The following PDS5B variants were observed in gnomAD, a reference collection of about 807,000 sequenced individuals.
The protein encoded by PDS5B is sister chromatid cohesion protein PDS5 homolog B.
Under a neutral mutation model 184.1 loss-of-function variants are expected in PDS5B, and 51 were observed. The observed-to-expected ratio is 0.28, with a 90% confidence interval of 0.22 to 0.35. The LOEUF (loss-of-function observed/expected upper bound fraction) is 0.35, where lower values mean the gene tolerates loss of function less well. Among genes scored for constraint, PDS5B ranks in the 10% least tolerant of loss-of-function variants. The pLI, the probability that PDS5B is intolerant of heterozygous loss-of-function variation, is 1.00. For synonymous variants in PDS5B, 566 were observed against 569.2 expected (o/e 0.99, Z 0.08); for missense variants, 1,180 against 1,723.3 (o/e 0.68, Z 5.58).
intron 10 of PDS5B, among the ~76,000 whole-genome samples, chr13:32,683,315 ATTTTTTTTTTTT>A (rs529817272): frequency 2.5e-5 from 3 of 119,906 alleles, no homozygotes; most frequent in African/African-American, 6.3e-5. Flanking sequence ...GGCCTTTAAA[ATTTTTTTTTTTT>A]TTTTTTTTTT....
At chr13:32,656,965 T>A (rs1260333761) in intron 3 of PDS5B, among the ~76,000 whole-genome samples, 1 of 152,236 alleles carries the variant, frequency 6.6e-6, no homozygotes, top group Non-Finnish European at 1.5e-5. Flanking sequence ...AATCACATTT[T>A]AAAAATTTGC....
chr13:32,674,064 C>T (rs941168999), intron 8 of PDS5B, among the ~76,000 whole-genome samples: 1 of 152,128 alleles, frequency 6.6e-6, no homozygotes, highest in Non-Finnish European at 1.5e-5. Flanking sequence ...ATCCACCTGC[C>T]TCGGCCTCCC....
chr13:32,639,262 A>G (rs1307589087), intron 1 of PDS5B, among the ~76,000 whole-genome samples: 1 of 152,174 alleles, frequency 6.6e-6, no homozygotes, highest in Non-Finnish European at 1.5e-5. Context: ...CTTCCATAAC[A>G]TTGATGGTCC....
chr13:32,628,463 G>A (rs2058402903), intron 1 of PDS5B, among the ~76,000 whole-genome samples: 1 of 151,552 alleles, frequency 6.6e-6, no homozygotes, highest in Non-Finnish European at 1.5e-5. Flanking sequence ...AAGGAGAATT[G>A]CTTGAACCTG....
At chr13:32,631,206 C>T (rs1187910797) in intron 1 of PDS5B, among the ~76,000 whole-genome samples, 1 of 149,010 alleles carries the variant, frequency 6.7e-6, no homozygotes, top group African/African-American at 2.5e-5. Flanking sequence ...GCCTCGACAT[C>T]CCTAGGCTTA....
intron 1 of PDS5B, among the ~76,000 whole-genome samples, chr13:32,593,121 A>G (rs1042320387): frequency 6.6e-6 from 1 of 152,174 alleles, no homozygotes; most frequent in African/African-American, 2.4e-5. Flanking sequence ...TAGAGCCATT[A>G]CGGAGAATAT....
At chr13:32,768,094 TAGTC>T (rs1263086795) in intron 31 of PDS5B, among the ~76,000 whole-genome samples, 10 of 152,366 alleles carry the variant, frequency 6.6e-5, no homozygotes, top group East Asian at 1.9e-4. Context: ...AATAATGTCT[TAGTC>T]AGCTCAAGCT....
At chr13:32,641,663 G>T (rs1052541316) in intron 1 of PDS5B, among the ~76,000 whole-genome samples, 1 of 151,604 alleles carries the variant, frequency 6.6e-6, no homozygotes, top group Admixed American at 6.6e-5. Context: ...CTCCCCTGTG[G>T]GCTCCCACCA....
intron 19 of PDS5B, among the ~76,000 whole-genome samples, chr13:32,729,962 G>A (rs1408732780): frequency 6.6e-6 from 1 of 152,112 alleles, no homozygotes; most frequent in African/African-American, 2.4e-5. Context: ...GATCCCATTT[G>A]TCAATTTTGG....
At chr13:32,732,610 T>G (rs545758617) in intron 20 of PDS5B, among the ~76,000 whole-genome samples, 1 of 152,274 alleles carries the variant, frequency 6.6e-6, no homozygotes, top group East Asian at 1.9e-4. Flanking sequence ...TAAGGTTTTG[T>G]AAATCAGTAC....
chr13:32,698,979 T>A (rs998623723), intron 15 of PDS5B, among the ~76,000 whole-genome samples: 2 of 152,150 alleles, frequency 1.3e-5, no homozygotes, highest in African/African-American at 4.8e-5. Context: ...GGTCTTGAAC[T>A]CCTGACCTCG....
At chr13:32,601,074 A>C (rs1437381793) in intron 1 of PDS5B, among the ~76,000 whole-genome samples, 2 of 152,194 alleles carry the variant, frequency 1.3e-5, no homozygotes, top group African/African-American at 4.8e-5. Flanking sequence ...TGCTGCTGCA[A>C]ACTGGGAGTG....
In PDS5B at chr13:32,699,628, C is replaced by T. The variant is rs772824647; in HGVS notation, c.1601-102C>T. 5.4e-5 allele frequency: 31 copies of T among 573,810 alleles called. 1 individual carries two copies. The Middle Eastern group carries it at 2.5e-3, about 46-fold the overall frequency. The allele number at this position is 573,810 out of a possible 1,614,324, so 35.5% of individuals were successfully genotyped here. ...TTTGTTAAACTAAACTGAATTTGTA[C>T]GTAAGGATTTTAAGGCAATAAAAGG... On this transcript the variant is annotated intron_variant, in intron 15 of 34. Transcript: ENST00000315596.
At position 32,776,558 on chromosome 13, in the gene PDS5B, A is replaced by G. The variant is rs1954963830; in HGVS notation, c.*1506A>G. 1 of 152,060 alleles carries G rather than the reference A, an allele frequency of 6.6e-6. No individual in the cohort carries two copies. Among genetic ancestry groups the G allele is most frequent in the Admixed American group, 6.6e-5 (1 of 15,256 alleles). The allele number at this position is 152,060 out of a possible 1,614,324, so 9.4% of individuals were successfully genotyped here. A position where few individuals can be genotyped will look rare whatever the true frequency, so the allele number is the denominator to read the frequency against. On this transcript the variant is annotated 3_prime_UTR_variant, in exon 35 of 35. Transcript: ENST00000315596. ...AATGCTTACCTAATTTCATTTTAGT[A>G]TTTTAGGTGCTGTTATGTTTTTTCA...
chr13:32,748,126 G>A (rs1275676672), intron 24 of PDS5B, among the ~76,000 whole-genome samples: 3 of 152,180 alleles, frequency 2.0e-5, no homozygotes, highest in Non-Finnish European at 2.9e-5. Context: ...TCACAACTTA[G>A]AAACATATCA....
At chr13:32,695,595 T>C (rs1951678426) in intron 14 of PDS5B, among the ~76,000 whole-genome samples, 1 of 152,010 alleles carries the variant, frequency 6.6e-6, no homozygotes, top group Non-Finnish European at 1.5e-5. Flanking sequence ...TAAAATTATT[T>C]GTGTTTAGGC....
At chr13:32,615,739 T>G (rs891398451) in intron 1 of PDS5B, among the ~76,000 whole-genome samples, 4 of 152,192 alleles carry the variant, frequency 2.6e-5, no homozygotes, top group Non-Finnish European at 5.9e-5. Flanking sequence ...ATGTTGCTTC[T>G]CTTAATAAGC....
chr13:32,635,572 G>C lies in PDS5B; in HGVS notation c.-19-13182G>C, dbSNP rs189108108. Among the ~76,000 whole-genome samples, 57 of 147,040 alleles carry C rather than the reference G, an allele frequency of 3.9e-4. No individual in the cohort carries two copies. In the East Asian group the frequency reaches 0.011, roughly 27 times the overall value. On this transcript the variant is annotated intron_variant, in intron 1 of 34. Transcript: ENST00000315596. The stretch of plus-strand genomic sequence containing the variant: ...TTGGCCAGGATGGTCTTGATCTCTT[G>C]ACCTCATGATCTGGCCGCCTCAACC...
intron 29 of PDS5B, among the ~76,000 whole-genome samples, chr13:32,760,234 C>T (rs1293697248): frequency 6.6e-6 from 1 of 152,170 alleles, no homozygotes; most frequent in African/African-American, 2.4e-5. Flanking sequence ...GGATTACAGG[C>T]GTGAGCCACT....
Sources: gnomAD v4.1 joint callset for allele counts (sites outside exome capture counted in the v4.1 genomes callset) on GRCh38, gnomAD v4.1.1 for gene constraint, MANE v1.5 for transcripts, NCBI Gene and HGNC (gene_info 2026-07-23, HGNC 2026-07-21) for gene names.